NGEF: variants seen among roughly 807,000 people sequenced by gnomAD.
The protein encoded by NGEF is neuronal guanine nucleotide exchange factor, also known as ephexin-1.
In NGEF, 31 loss-of-function variants were observed where a neutral mutation model predicts 80.9. That is an observed-to-expected ratio of 0.38 (90% CI 0.29 to 0.52). NGEF has a LOEUF of 0.52. Ranked by LOEUF, NGEF falls within the 20% of genes least tolerant of loss-of-function variation. NGEF has a pLI of 0.84. For missense variants in NGEF, 709 were observed against 926.2 expected (o/e 0.77, Z 3.04); for synonymous variants, 371 against 370.2 (o/e 1.00, Z -0.03).
chr2:232,929,267 G>T (rs910533828), intron 3 of NGEF, among the ~76,000 whole-genome samples: 1 of 152,358 alleles, frequency 6.6e-6, no homozygotes, highest in South Asian at 2.1e-4. Flanking sequence ...CATTCCTGGT[G>T]GCAGCGGTGC....
chr2:232,964,820 G>A (rs955006943), intron 3 of NGEF, among the ~76,000 whole-genome samples: 1 of 152,228 alleles, frequency 6.6e-6, no homozygotes, highest in African/African-American at 2.4e-5. Context: ...TTTGTTGTGT[G>A]AACCAACAAA....
intron 3 of NGEF, among the ~76,000 whole-genome samples, chr2:232,927,688 G>T (rs966376080): frequency 6.6e-6 from 1 of 152,026 alleles, no homozygotes; most frequent in African/African-American, 2.4e-5. Flanking sequence ...AGGGACCGGG[G>T]TCCCAGGGGC....
chr2:232,902,292 T>C (rs1692379035), intron 5 of NGEF, among the ~76,000 whole-genome samples: 1 of 152,104 alleles, frequency 6.6e-6, no homozygotes, highest in Admixed American at 6.5e-5. Context: ...AAGGCTATCC[T>C]CCTTCTGCAG....
intron 1 of NGEF, among the ~76,000 whole-genome samples, chr2:232,977,404 G>A (rs1694317683): frequency 6.6e-6 from 1 of 152,194 alleles, no homozygotes; most frequent in African/African-American, 2.4e-5. Context: ...CCCAGAGATG[G>A]GGGTGCTGCT....
At chr2:232,881,080 C>G (rs1691486623) in intron 14 of NGEF, 66 bp downstream of exon 14, 11 of 1,294,182 alleles carry the variant, frequency 8.5e-6, no homozygotes, top group Non-Finnish European at 1.2e-5. Context: ...TGCTTCTCCC[C>G]CTCCCCGTCA....
At chr2:232,971,909 C>T (rs939730879) in intron 2 of NGEF, among the ~76,000 whole-genome samples, 1 of 152,178 alleles carries the variant, frequency 6.6e-6, no homozygotes, top group Non-Finnish European at 1.5e-5. Context: ...CCCTGAAAGA[C>T]TTCCCCGACC....
At chr2:232,891,776 A>G (rs1016889934) in intron 7 of NGEF, among the ~76,000 whole-genome samples, 4 of 152,218 alleles carry the variant, frequency 2.6e-5, no homozygotes, top group Non-Finnish European at 5.9e-5. Context: ...ATGCACAATT[A>G]GATGATTTCA....
rs1408223710 is a variant in NGEF, at chr2:232,879,593, G to C, written c.2029C>G (p.Arg677Gly). The change falls in exon 15 of 15, where the codon CGG becomes GGG. Residue 677 changes from arginine (R) to glycine (G), a missense_variant. Arg to Gly is a moderately radical substitution (Grantham distance 125). This residue lies in a region of NGEF where 426 missense variants were observed against 622.9 expected (regional missense o/e 0.68). Coordinates refer to ENST00000264051, the MANE Select transcript of NGEF (RefSeq NM_019850.3). Reference protein sequence around the residue: ...MTEEILNPKIRSQNLKECFRV... With the variant: ...MTEEILNPKIGSQNLKECFRV... ...AAACATTCCTTGAGGTTCTGGGACCGGATCTTGGGATTCAAGATCTCCTCA... is the reference window on the plus strand; with the variant it reads ...AAACATTCCTTGAGGTTCTGGGACCCGATCTTGGGATTCAAGATCTCCTCA... 6.2e-7 allele frequency: 1 copy of C among 1,613,742 alleles called. No individual in the cohort carries two copies. The highest frequency in any genetic ancestry group is 1.7e-5 in the Admixed American group (1 of 60,024).
intron 5 of NGEF, among the ~76,000 whole-genome samples, chr2:232,896,716 GTGAGTGCAAAA>G (rs1426979691): frequency 1.9e-4 from 10 of 52,468 alleles, no homozygotes; most frequent in Admixed American, 4.1e-4. Context: ...GGGGGTAGGG[GTGAGTGCAAAA>G]GTAGGGGTGA....
At chr2:232,946,686 A>G (rs1693567383) in intron 3 of NGEF, among the ~76,000 whole-genome samples, 1 of 152,190 alleles carries the variant, frequency 6.6e-6, no homozygotes, top group African/African-American at 2.4e-5. Context: ...AAAATGGCTG[A>G]TTCCATGTCT....
chr2:232,943,998 C>G (rs539519897), intron 3 of NGEF, among the ~76,000 whole-genome samples: 4 of 151,652 alleles, frequency 2.6e-5, no homozygotes, highest in African/African-American at 9.7e-5. Context: ...TTTGGGAGGC[C>G]GAGGCCGGCG....
chr2:232,908,935 C>G (rs1466382620), intron 5 of NGEF, among the ~76,000 whole-genome samples: 1 of 152,144 alleles, frequency 6.6e-6, no homozygotes, highest in Admixed American at 6.5e-5. Flanking sequence ...TATCTTACAA[C>G]CAGCCACCTC....
chr2:232,947,530 G>A (rs939947326), intron 3 of NGEF, among the ~76,000 whole-genome samples: 8 of 152,136 alleles, frequency 5.3e-5, no homozygotes, highest in Non-Finnish European at 8.8e-5. Flanking sequence ...CACGAGATCT[G>A]GTGATTTTAT....
rs1025152672 is a variant in NGEF at position 233,013,091 on chromosome 2, G to A, written c.-98C>T. ...ACCTGCCAGAGAGGAGCTCATAGGA[G>A]TTGGGCTTCCTCAGAGAGTGTTCCT... On this transcript the variant is annotated 5_prime_UTR_variant, in exon 1 of 15. Transcript: ENST00000264051. 2.1e-6 allele frequency: 1 copy of A among 471,134 alleles called. No homozygotes were observed. The highest frequency in any genetic ancestry group is 1.5e-5 in the South Asian group (1 of 64,564). The allele number at this position is 471,134 out of a possible 1,614,324, so 29.2% of individuals were successfully genotyped here. A position where few individuals can be genotyped will look rare whatever the true frequency, so the allele number is the denominator to read the frequency against.
chr2:232,882,066 G>A, intron 13 of NGEF, 120 bp downstream of exon 13: 1 of 861,488 alleles, frequency 1.2e-6, no homozygotes, highest in Middle Eastern at 2.2e-4. Context: ...GCCCGTGCAG[G>A]CCTCTGAGAC....
chr2:232,999,418 G>A (rs1162658556), intron 1 of NGEF, among the ~76,000 whole-genome samples: 3 of 152,332 alleles, frequency 2.0e-5, no homozygotes, highest in South Asian at 2.1e-4. Context: ...TCGGGGACTG[G>A]TGGGTGGAAC....
intron 1 of NGEF, among the ~76,000 whole-genome samples, chr2:232,987,335 A>G (rs1485315422): frequency 6.6e-6 from 1 of 152,028 alleles, no homozygotes; most frequent in Non-Finnish European, 1.5e-5. Context: ...GACTTTTTTG[A>G]TGTTCTGGAA....
intron 14 of NGEF, among the ~76,000 whole-genome samples, chr2:232,880,243 T>G (rs1456818031): frequency 1.3e-5 from 2 of 152,212 alleles, no homozygotes; most frequent in Non-Finnish European, 2.9e-5. Context: ...CAGCGTCAAC[T>G]GGCTTCTCCC....
Position 232,978,158 on chromosome 2 carries a change from C to CT in NGEF, c.-74-3195dup, listed in dbSNP as rs113485504. On this transcript the variant is annotated intron_variant, in intron 1 of 14. Transcript: ENST00000264051. ...CTCTGTGTTGTGATCCTAACATGAA[C>CT]TTTTTTTTTTTTTGGCTTTCAAGGT... Among the ~76,000 whole-genome samples, 46 of 149,504 alleles carry CT rather than the reference C, an allele frequency of 3.1e-4. No homozygotes were observed. In the East Asian group the frequency reaches 4.8e-3, roughly 16 times the overall value.
Sources: gnomAD v4.1 joint callset for allele counts (sites outside exome capture counted in the v4.1 genomes callset) on GRCh38, gnomAD v4.1.1 for gene constraint, gnomAD v4.1.1 regional missense constraint, MANE v1.5 for transcripts, NCBI Gene and HGNC (gene_info 2026-07-23, HGNC 2026-07-21) for gene names.